Variants in NAT8L observed in about 807,000 individuals in gnomAD.
The protein encoded by NAT8L is N-acetylaspartate synthetase.
Under a neutral mutation model 21.2 loss-of-function variants are expected in NAT8L, and 6 were observed. The ratio of observed to expected loss-of-function variants is 0.28; its 90% CI spans 0.16 to 0.56. The LOEUF (loss-of-function observed/expected upper bound fraction) is 0.56. NAT8L is among the 20% of genes least tolerant of loss of function. NAT8L has a pLI of 0.93. For synonymous variants in NAT8L, 239 were observed against 204.9 expected, an observed-to-expected ratio of 1.17 and a Z score of -1.42; for missense variants, 331 against 433.3, an observed-to-expected ratio of 0.76 and a Z score of 2.10.
At chr4:2,063,005 C>A (rs1729922739) in intron 2 of NAT8L, among the ~76,000 whole-genome samples, 1 of 152,210 alleles carries the variant, frequency 6.6e-6, no homozygotes, top group African/African-American at 2.4e-5. Flanking sequence ...CCTGCCGGTT[C>A]CCCTCCCCCA....
In NAT8L at chr4:2,064,623, G is replaced by A. The variant is rs1040682241; in HGVS notation, c.*496G>A. The A allele has an allele frequency of 3.1e-4, 48 of 153,450 alleles. No individual in the cohort carries two copies. The highest frequency in any genetic ancestry group is 6.4e-4 in the Non-Finnish European group (44 of 69,008). 9.5% of individuals were successfully genotyped at this position (153,450 alleles called of 1,614,324 possible). A position where few individuals can be genotyped will look rare whatever the true frequency, so the allele number is the denominator to read the frequency against. On this transcript the variant is annotated 3_prime_UTR_variant, in exon 3 of 3. Transcript: ENST00000423729. Reference sequence around the variant, plus strand: ...GAGCATGCCGCATGCACACAGCCCCGCCCTGCCGCCCTGCCCAGACTGGAC... The same window carrying A: ...GAGCATGCCGCATGCACACAGCCCCACCCTGCCGCCCTGCCCAGACTGGAC...
chr4:2,059,659 GCCGCGCCCC>G lies in NAT8L; in HGVS notation c.159_167del (p.Ala54_Pro56del), dbSNP rs1729813219. Reference sequence around the variant, plus strand: ...GCTGCCCGCCGCGCCCGGGCCGGCCGCCGCGCCCCCCGCGCCCCCACCTGCCCCGGTGGC... The same window carrying G: ...GCTGCCCGCCGCGCCCGGGCCGGCCGCCGCGCCCCCACCTGCCCCGGTGGC... On this transcript the variant is annotated inframe_deletion, in exon 1 of 3. Transcript: ENST00000423729. The surrounding 1 kb of genome is among the most constrained non-coding windows in gnomAD (Gnocchi z 4.8). 3 of 972,892 alleles carry G rather than the reference GCCGCGCCCC, an allele frequency of 3.1e-6. No individual in the cohort carries two copies. The highest frequency in any genetic ancestry group is 3.7e-6 in the Non-Finnish European group (3 of 821,030). The allele number at this position is 972,892 out of a possible 1,614,324, so 60.3% of individuals were successfully genotyped here. A position where few individuals can be genotyped will look rare whatever the true frequency, so the allele number is the denominator to read the frequency against.
chr4:2,059,829 G>C lies in NAT8L; in HGVS notation c.318G>C (p.Thr106=), dbSNP rs1729817018. The stretch of plus-strand genomic sequence containing the variant: ...GCATCATGGAGCGCATCCCTAACAC[G>C]GCCTTCCGCGGCCTGCGGCAGCACC... ...YDGIMERIPN[T]AFRGLRQHPR... Residue 106 remains threonine, a synonymous_variant, in exon 1 of 3, where the codon ACG becomes ACC. Coordinates refer to ENST00000423729, the MANE Select transcript of NAT8L (RefSeq NM_178557.4). This position sits in a 1 kb window ranked among gnomAD's most constrained non-coding sequence, Gnocchi z 4.8. The C allele has an allele frequency of 5.1e-6, 7 of 1,385,562 alleles. No individual in the cohort carries two copies. The highest frequency in any genetic ancestry group is 4.9e-5 in the Admixed American group (2 of 40,406). The allele number at this position is 1,385,562 out of a possible 1,614,324, so 85.8% of individuals were successfully genotyped here.
At position 2,060,731 on chromosome 4, in the gene NAT8L, C is replaced by T. The variant is rs1429071982; in HGVS notation, c.377-267C>T. 6.6e-6 allele frequency among the ~76,000 whole-genome samples: 1 copy of T among 152,134 alleles called. No individual in the cohort carries two copies. The highest frequency in any genetic ancestry group is 1.9e-4 in the East Asian group (1 of 5,178). Reference sequence around the variant, plus strand: ...TAGGCCAGCGTGGGCAGAGTCCTTCCCGGCCCGGCCATCCCGAGGGTGTCC... The same window carrying T: ...TAGGCCAGCGTGGGCAGAGTCCTTCTCGGCCCGGCCATCCCGAGGGTGTCC... On this transcript the variant is annotated intron_variant, in intron 1 of 2. Transcript: ENST00000423729. This position sits in a 1 kb window ranked among gnomAD's most constrained non-coding sequence, Gnocchi z 4.7.
rs1361936386 is a variant in NAT8L, at chr4:2,068,544, TGTG to T, written c.*4418_*4420del. ...GTGGGCATGTATGCGTATGAGTACTTGTGTGTGGCTGGTGTATGGGTGAGCATG... is the reference window on the plus strand; with the variant it reads ...GTGGGCATGTATGCGTATGAGTACTTTGTGGCTGGTGTATGGGTGAGCATG... On this transcript the variant is annotated 3_prime_UTR_variant, in exon 3 of 3. Coordinates refer to ENST00000423729, the MANE Select transcript of NAT8L (RefSeq NM_178557.4). The T allele has an allele frequency of 1.3e-5, 2 of 152,480 alleles. No individual in the cohort carries two copies. The highest frequency in any genetic ancestry group is 1.9e-4 in the East Asian group (1 of 5,196). 9.4% of individuals were successfully genotyped at this position (152,480 alleles called of 1,614,324 possible). A position where few individuals can be genotyped will look rare whatever the true frequency, so the allele number is the denominator to read the frequency against.
Position 2,061,751 on chromosome 4 carries a change from C to T in NAT8L, c.541+589C>T, listed in dbSNP as rs555724408. Among the ~76,000 whole-genome samples, 6 of 152,298 alleles carry T rather than the reference C, an allele frequency of 3.9e-5. No homozygotes were observed. In the South Asian group the frequency reaches 1.0e-3, roughly 26 times the overall value. On this transcript the variant is annotated intron_variant, in intron 2 of 2. Coordinates refer to ENST00000423729, the MANE Select transcript of NAT8L (RefSeq NM_178557.4). ...CTCCACCCTCGGGCTGGCCCCCAGC[C>T]GCTGAGCCACACCGGTTCCCCCATG...
At chr4:2,061,476 T>C (rs1164055775) in intron 2 of NAT8L, among the ~76,000 whole-genome samples, 1 of 152,030 alleles carries the variant, frequency 6.6e-6, no homozygotes, top group Non-Finnish European at 1.5e-5. Context: ...GGGTCCCATC[T>C]GGTGTGCCTT....
At chr4:2,061,201 G>C in intron 2 of NAT8L, 39 bp downstream of exon 2, 9 of 1,608,668 alleles carry the variant, frequency 5.6e-6, no homozygotes, top group Non-Finnish European at 7.6e-6. Flanking sequence ...CTCCGCCCCA[G>C]ACAGCCCTCG....
rs901037823 is a variant in NAT8L at position 2,068,764 on chromosome 4, G to A, written c.*4637G>A. On this transcript the variant is annotated 3_prime_UTR_variant, in exon 3 of 3. Transcript: ENST00000423729. The stretch of plus-strand genomic sequence containing the variant: ...GCTTCCCTGCTGGGCCCCAGGCCCC[G>A]GGCTGAGCCTCCCTGGCCCCTCTTG... 2 of 152,198 alleles carry A rather than the reference G, an allele frequency of 1.3e-5. No homozygotes were observed. Among genetic ancestry groups the A allele is most frequent in the Non-Finnish European group, 2.9e-5 (2 of 68,056 alleles). The allele number at this position is 152,198 out of a possible 1,614,324, so 9.4% of individuals were successfully genotyped here.
chr4:2,063,782 G>T lies in NAT8L; in HGVS notation c.564G>T (p.Val188=). The change falls in exon 3 of 3, where the codon GTG becomes GTT. Residue 188 remains valine, a synonymous_variant. Coordinates refer to ENST00000423729, the MANE Select transcript of NAT8L (RefSeq NM_178557.4). ...CAGGCTCCTGCTTCTGGGTGGCCGTGCTGGATGGCAACGTGGTGGGCATTG... is the reference window on the plus strand; with the variant it reads ...CAGGCTCCTGCTTCTGGGTGGCCGTTCTGGATGGCAACGTGGTGGGCATTG... ...KPPGSCFWVA[V]LDGNVVGIVA... 1 of 1,611,984 alleles carries T rather than the reference G, an allele frequency of 6.2e-7. No individual in the cohort carries two copies.
In NAT8L at chr4:2,060,984, C is replaced by G. The variant is rs1023359318; in HGVS notation, c.377-14C>G. On this transcript the variant is annotated splice_polypyrimidine_tract_variant and intron_variant, in intron 1 of 2. Transcript: ENST00000423729. This position sits in a 1 kb window ranked among gnomAD's most constrained non-coding sequence, Gnocchi z 4.7. ...ACCCCCGCCGCGCCGCTGACCCGCGCCCTCTGCCCCCAGCGCTGTGCTTCG... is the reference window on the plus strand; with the variant it reads ...ACCCCCGCCGCGCCGCTGACCCGCGGCCTCTGCCCCCAGCGCTGTGCTTCG... 2.7e-6 allele frequency: 4 copies of G among 1,472,582 alleles called. No individual in the cohort carries two copies. The African/African-American group carries it at 5.7e-5, about 21-fold the overall frequency. 91.2% of individuals were successfully genotyped at this position (1,472,582 alleles called of 1,614,324 possible).
rs1029204733 is a variant in NAT8L, at chr4:2,059,461, G to A, written c.-51G>A. ...GCGCCCTTGCCCTGGGCCCGGCCGTGCCCGCCGCCGCCCGGCCGCGTCCCC... is the reference window on the plus strand; with the variant it reads ...GCGCCCTTGCCCTGGGCCCGGCCGTACCCGCCGCCGCCCGGCCGCGTCCCC... On this transcript the variant is annotated 5_prime_UTR_variant, in exon 1 of 3. Coordinates refer to ENST00000423729, the MANE Select transcript of NAT8L (RefSeq NM_178557.4). This position sits in a 1 kb window ranked among gnomAD's most constrained non-coding sequence, Gnocchi z 4.8. 3 of 896,782 alleles carry A rather than the reference G, an allele frequency of 3.3e-6. No individual in the cohort carries two copies. Among genetic ancestry groups the A allele is most frequent in the Non-Finnish European group, 4.0e-6 (3 of 753,382 alleles). The allele number at this position is 896,782 out of a possible 1,614,324, so 55.6% of individuals were successfully genotyped here.
At position 2,059,403 on chromosome 4, in the gene NAT8L, C is replaced by T. The variant is rs1397590244; in HGVS notation, c.-109C>T. The stretch of plus-strand genomic sequence containing the variant: ...CCGCCGCCGCCGCCGCCGCTGCCGC[C>T]GCCGCCGCCGCCGCCGCGGGTCCGA... On this transcript the variant is annotated 5_prime_UTR_variant, in exon 1 of 3. Transcript: ENST00000423729. This position sits in a 1 kb window ranked among gnomAD's most constrained non-coding sequence, Gnocchi z 4.8. 5 of 308,084 alleles carry T rather than the reference C, an allele frequency of 1.6e-5. No homozygotes were observed. Among genetic ancestry groups the T allele is most frequent in the East Asian group, 1.8e-4 (1 of 5,558 alleles). 19.1% of individuals were successfully genotyped at this position (308,084 alleles called of 1,614,324 possible).
rs1176709181 is a variant in NAT8L, at chr4:2,067,494, C to T, written c.*3367C>T. The T allele has an allele frequency of 1.3e-5, 2 of 152,376 alleles. No homozygotes were observed. Among genetic ancestry groups the T allele is most frequent in the Non-Finnish European group, 2.9e-5 (2 of 68,144 alleles). The allele number at this position is 152,376 out of a possible 1,614,324, so 9.4% of individuals were successfully genotyped here. Reference sequence around the variant, plus strand: ...GAGGGGACGACGGGCTGGGGACGCCCTGAGCTTCCTGGCTGTGTGGCAGGT... The same window carrying T: ...GAGGGGACGACGGGCTGGGGACGCCTTGAGCTTCCTGGCTGTGTGGCAGGT... On this transcript the variant is annotated 3_prime_UTR_variant, in exon 3 of 3. Coordinates refer to ENST00000423729, the MANE Select transcript of NAT8L (RefSeq NM_178557.4).
Position 2,060,216 on chromosome 4 carries a change from C to T in NAT8L, c.376+329C>T, listed in dbSNP as rs1302588066. ...GGTAGCGCCCGCCGCGGCTGGGCCC[C>T]GGCGAGTGCCTAAATATAATCTGCG... On this transcript the variant is annotated intron_variant, in intron 1 of 2. Transcript: ENST00000423729. The surrounding 1 kb of genome is among the most constrained non-coding windows in gnomAD (Gnocchi z 4.7). Among the ~76,000 whole-genome samples the T allele has an allele frequency of 6.6e-6, 1 of 152,062 alleles. No homozygotes were observed. The highest frequency in any genetic ancestry group is 1.5e-5 in the Non-Finnish European group (1 of 67,968).
Position 2,068,703 on chromosome 4 carries a change from G to A in NAT8L, c.*4576G>A, listed in dbSNP as rs950753034. 6.6e-6 allele frequency: 1 copy of A among 152,270 alleles called. No individual in the cohort carries two copies. The highest frequency in any genetic ancestry group is 2.4e-5 in the African/African-American group (1 of 41,432). The allele number at this position is 152,270 out of a possible 1,614,324, so 9.4% of individuals were successfully genotyped here. On this transcript the variant is annotated 3_prime_UTR_variant, in exon 3 of 3. Transcript: ENST00000423729. ...GCTGTGCAGGTACCCGGCGGTGGTG[G>A]GCTGGCAGTGCCCGGGGAAGCAGGT... is the stretch of plus-strand genomic sequence containing the variant.
Position 2,060,302 on chromosome 4 carries a change from G to C in NAT8L, c.376+415G>C, listed in dbSNP as rs540632256. Among the ~76,000 whole-genome samples, 19 of 152,228 alleles carry C rather than the reference G, an allele frequency of 1.2e-4. No homozygotes were observed. Among genetic ancestry groups the C allele is most frequent in the South Asian group, 6.2e-4 (3 of 4,820 alleles). On this transcript the variant is annotated intron_variant, in intron 1 of 2. Coordinates refer to ENST00000423729, the MANE Select transcript of NAT8L (RefSeq NM_178557.4). This position sits in a 1 kb window ranked among gnomAD's most constrained non-coding sequence, Gnocchi z 4.7. ...ATGAGGGGAAGACAGCCGGCGCCGC[G>C]GGGGGTGCGCGCGCCTGGCACAGCC... is the stretch of plus-strand genomic sequence containing the variant.
chr4:2,066,037 G>C lies in NAT8L; in HGVS notation c.*1910G>C, dbSNP rs1312396918. ...GGCCAGGTGGAGTCAGGTCTTGGGG[G>C]TGTCATGTCGGGGTGCTGCCAGCGT... On this transcript the variant is annotated 3_prime_UTR_variant, in exon 3 of 3. Coordinates refer to ENST00000423729, the MANE Select transcript of NAT8L (RefSeq NM_178557.4). 6.5e-6 allele frequency: 1 copy of C among 152,776 alleles called. No individual in the cohort carries two copies. Among genetic ancestry groups the C allele is most frequent in the South Asian group, 2.1e-4 (1 of 4,832 alleles). The allele number at this position is 152,776 out of a possible 1,614,324, so 9.5% of individuals were successfully genotyped here. A position where few individuals can be genotyped will look rare whatever the true frequency, so the allele number is the denominator to read the frequency against.
In NAT8L at chr4:2,063,877, G is replaced by A. The variant is rs1355718320; in HGVS notation, c.659G>A (p.Arg220Gln). 1.2e-6 allele frequency: 2 copies of A among 1,612,284 alleles called. No individual in the cohort carries two copies. The highest frequency in any genetic ancestry group is 1.3e-5 in the African/African-American group (1 of 74,954). ...LLRMSVDSRFRGKGIAKALGR... is the reference protein window; with the variant it reads ...LLRMSVDSRFQGKGIAKALGR... ...CGGATGTCTGTGGACTCACGTTTCC[G>A]AGGCAAGGGCATCGCCAAGGCGCTG... The change falls in exon 3 of 3, where the codon CGA (arginine) becomes CAA (glutamine). Residue 220 changes from arginine to glutamine, a missense_variant. Coordinates refer to ENST00000423729, the MANE Select transcript of NAT8L (RefSeq NM_178557.4).
Sources: gnomAD v4.1 joint callset for allele counts (sites outside exome capture counted in the v4.1 genomes callset) on GRCh38, gnomAD v4.1.1 for gene constraint, Gnocchi (gnomAD v3.1) non-coding constraint, MANE v1.5 for transcripts, NCBI Gene and HGNC (gene_info 2026-07-23, HGNC 2026-07-21) for gene names.